The following MTTP variants were observed in gnomAD, a reference collection of about 807,000 sequenced individuals.
The protein encoded by MTTP is microsomal triglyceride transfer protein.
Under a neutral mutation model 90.6 loss-of-function variants are expected in MTTP, and 49 were observed. The observed-to-expected ratio is 0.54, with a 90% confidence interval of 0.43 to 0.69. The LOEUF (loss-of-function observed/expected upper bound fraction) is 0.69. MTTP is among the 30% of genes least tolerant of loss of function. The probability of loss-of-function intolerance (pLI) is 0.00; values close to 1 mark genes in which losing one functional copy is unlikely to be tolerated. For synonymous variants in MTTP, 347 were observed against 384.2 expected (o/e 0.90, Z 1.13); for missense variants, 945 against 1,067.5 (o/e 0.89, Z 1.60).
intron 3 of MTTP, chr4:99,583,861 T>G (rs1023692766): frequency 2.2e-6 from 1 of 447,596 alleles, no homozygotes; most frequent in Non-Finnish European, 4.0e-6. Flanking sequence ...AAAGCATGAT[T>G]GGATGAATTC....
intron 1 of MTTP, among the ~76,000 whole-genome samples, chr4:99,566,762 T>A (rs1724712132): frequency 1.3e-5 from 2 of 152,176 alleles, no homozygotes; most frequent in South Asian, 4.1e-4. Flanking sequence ...TTTGTTAAAT[T>A]GGGCCCTAGT....
Position 99,582,615 on chromosome 4 carries a change from G to A in MTTP, c.249+523G>A, listed in dbSNP as rs954297971. ...TTTAGATTTATGTGCTGAGAAGGGA[G>A]GCCAAATTAGTTGGTCTCTGGGGAC... is the stretch of plus-strand genomic sequence containing the variant. On this transcript the variant is annotated intron_variant, in intron 2 of 17. Transcript: ENST00000265517. Among the ~76,000 whole-genome samples the A allele has an allele frequency of 1.1e-4, 16 of 152,154 alleles. 1 individual carries two copies. Among genetic ancestry groups the A allele is most frequent in the Admixed American group, 1.0e-3 (16 of 15,280 alleles).
intron 3 of MTTP, among the ~76,000 whole-genome samples, chr4:99,588,552 C>G (rs183637501): frequency 7.6e-4 from 116 of 151,864 alleles, no homozygotes; most frequent in Non-Finnish European, 1.4e-3. Context: ...AAGTGGCTTA[C>G]TATTCCTGCC....
intron 15 of MTTP, among the ~76,000 whole-genome samples, chr4:99,614,328 T>C (rs1726044836): frequency 6.6e-6 from 1 of 152,314 alleles, no homozygotes; most frequent in Non-Finnish European, 1.5e-5. Flanking sequence ...TGTTAGGTTC[T>C]GGTTATGAAA....
intron 1 of MTTP, among the ~76,000 whole-genome samples, chr4:99,567,423 G>C (rs9307240): frequency 0.26 from 39,849 of 152,088 alleles, 5,392 homozygotes; most frequent in South Asian, 0.35. Context: ...ATAGTGGGAA[G>C]ACAACAGATC....
At chr4:99,575,922 A>G (rs1724947636) in intron 1 of MTTP, among the ~76,000 whole-genome samples, 1 of 152,222 alleles carries the variant, frequency 6.6e-6, no homozygotes, top group Admixed American at 6.5e-5. Context: ...CCTGTTAGGG[A>G]TAAATGTGGC....
At chr4:99,577,605 C>CAAAAAAAAAAAAAAAA (rs10605949) in intron 1 of MTTP, among the ~76,000 whole-genome samples, 26 of 101,268 alleles carry the variant, frequency 2.6e-4, no homozygotes, top group South Asian at 3.9e-4. Context: ...AACTCTGTTT[C>CAAAAAAAAAAAAAAAA]AAAAAAAAAA....
chr4:99,566,103 A>C (rs926119216), intron 1 of MTTP, among the ~76,000 whole-genome samples: 3 of 151,624 alleles, frequency 2.0e-5, no homozygotes, highest in East Asian at 3.9e-4. Context: ...CCCTGGCTAA[A>C]ACAGTGAAAC....
At chr4:99,565,027 A>C in intron 1 of MTTP, among the ~76,000 whole-genome samples, 1 of 152,202 alleles carries the variant, frequency 6.6e-6, no homozygotes, top group East Asian at 1.9e-4. Context: ...TTAACTGAGC[A>C]CTGGCAAAAA....
At chr4:99,591,913 C>A in intron 6 of MTTP, 123 bp downstream of exon 6, 1 of 880,346 alleles carries the variant, frequency 1.1e-6, no homozygotes, top group Non-Finnish European at 1.8e-6. Context: ...CATTGCTTAA[C>A]AATGGGAATA....
At position 99,594,800 on chromosome 4, in the gene MTTP, A is replaced by G. The variant is rs1725513056; in HGVS notation, c.826A>G (p.Ile276Val). 4 of 1,614,110 alleles carry G rather than the reference A, an allele frequency of 2.5e-6. No homozygotes were observed. The highest frequency in any genetic ancestry group is 3.4e-6 in the Non-Finnish European group (4 of 1,179,942). ...RLMSGKQAAAIIKAVDSKYTA... is the reference protein window; with the variant it reads ...RLMSGKQAAAVIKAVDSKYTA... ...GATGTCTGGAAAGCAGGCTGCAGCC[A>G]TAATCAAAGCAGTTGATTCAAAGTA... Residue 276 changes from isoleucine to valine, a missense_variant, in exon 7 of 18, where the codon ATA (isoleucine) becomes GTA (valine). Coordinates refer to ENST00000265517, the MANE Select transcript of MTTP (RefSeq NM_001386140.1).
At chr4:99,564,425 AAGTG>A in intron 1 of MTTP, 1 of 573,844 alleles carries the variant, frequency 1.7e-6, no homozygotes, top group South Asian at 2.9e-5. Flanking sequence ...TAAATTCAAA[AAGTG>A]AGTCAGATTC....
Position 99,581,913 on chromosome 4 carries a change from A to G in MTTP, c.70A>G (p.Thr24Ala), listed in dbSNP as rs752100893. ...TCATTATCTTTATGCAGGTCACACA[A>G]CTGGTCTCTCATTAAATAATGACCG... ...SYSASVKGHT[T>A]GLSLNNDRLY... Residue 24 changes from threonine to alanine, a missense_variant, in exon 2 of 18, where the codon ACT becomes GCT. Physicochemically the swap from Thr to Ala is moderately conservative, Grantham distance 58 (BLOSUM62 0). Coordinates refer to ENST00000265517, the MANE Select transcript of MTTP (RefSeq NM_001386140.1). 7.4e-6 allele frequency: 12 copies of G among 1,614,004 alleles called. No individual in the cohort carries two copies. The Admixed American group carries it at 1.2e-4, about 16-fold the overall frequency.
At chr4:99,618,850 C>T in intron 15 of MTTP, 124 bp from the exon 16 acceptor site, 11 of 1,307,374 alleles carry the variant, frequency 8.4e-6, no homozygotes, top group Non-Finnish European at 1.2e-5. Flanking sequence ...TAGAGAAAGA[C>T]TCCAACATCA....
intron 11 of MTTP, among the ~76,000 whole-genome samples, chr4:99,608,392 C>A (rs1725870618): frequency 6.6e-6 from 1 of 152,166 alleles, no homozygotes; most frequent in South Asian, 2.1e-4. Context: ...TTGCAGTGAG[C>A]CGAGATCGTG....
chr4:99,570,761 G>C (rs755208143), upstream of MTTP: 12 of 455,712 alleles, frequency 2.6e-5, no homozygotes, highest in Non-Finnish European at 4.9e-5. Context: ...GAGATGGTCA[G>C]AGTGATATGA....
chr4:99,574,890 G>A lies in MTTP; in HGVS notation c.-20G>A, dbSNP rs752823787. ...GACTCCTAGCTGGGCACTGGATGCA[G>A]TTGAGGATTGCTGGTCAATATGATT... On this transcript the variant is annotated 5_prime_UTR_variant, in exon 1 of 18. Transcript: ENST00000265517. 8.7e-6 allele frequency: 14 copies of A among 1,614,036 alleles called. No individual in the cohort carries two copies. The East Asian group carries it at 2.9e-4, about 33-fold the overall frequency.
At chr4:99,587,809 TC>T (rs1725294117) in intron 3 of MTTP, among the ~76,000 whole-genome samples, 1 of 152,128 alleles carries the variant, frequency 6.6e-6, no homozygotes. Flanking sequence ...GAGATACACT[TC>T]CAAATATTTG....
intron 3 of MTTP, among the ~76,000 whole-genome samples, chr4:99,586,122 C>T (rs1375706429): frequency 6.6e-6 from 1 of 152,100 alleles, no homozygotes; most frequent in Non-Finnish European, 1.5e-5. Flanking sequence ...CCCTGTCTCC[C>T]TTTCCCATCT....
Sources: gnomAD v4.1 joint callset for allele counts (sites outside exome capture counted in the v4.1 genomes callset) on GRCh38, gnomAD v4.1.1 for gene constraint, MANE v1.5 for transcripts, NCBI Gene and HGNC (gene_info 2026-07-23, HGNC 2026-07-21) for gene names.